Variants in SCNN1B observed in about 807,000 individuals in gnomAD.
SCNN1B encodes the protein sodium channel epithelial 1 subunit beta, also known as epithelial sodium channel subunit beta.
Under a neutral mutation model 65.3 loss-of-function variants are expected in SCNN1B, and 46 were observed. The observed-to-expected ratio is 0.70, with a 90% CI of 0.56 to 0.90. SCNN1B has a LOEUF of 0.90. Among genes scored for constraint, SCNN1B ranks in the 40% least tolerant of loss-of-function variants. The probability of loss-of-function intolerance (pLI) is 0.00; values close to 1 mark genes in which losing one functional copy is unlikely to be tolerated. For synonymous variants in SCNN1B, 349 were observed against 330.6 expected, an observed-to-expected ratio of 1.06 and a Z score of -0.60; for missense variants, 751 against 830.5, an observed-to-expected ratio of 0.90 and a Z score of 1.18.
At chr16:23,282,965 T>G (rs1270316805) in intron 1 of SCNN1B, among the ~76,000 whole-genome samples, 2 of 152,222 alleles carry the variant, frequency 1.3e-5, no homozygotes, top group African/African-American at 4.8e-5. Flanking sequence ...CACTACCAGC[T>G]TGACCTTGAA....
chr16:23,376,664 C>G (rs369917199), intron 8 of SCNN1B, among the ~76,000 whole-genome samples: 2 of 149,562 alleles, frequency 1.3e-5, no homozygotes, highest in African/African-American at 5.0e-5. Context: ...AATCCCAACA[C>G]TTTGGGAGGC....
rs550424284 is a variant in SCNN1B, at chr16:23,380,170, G to A, written c.1542+1G>A. 2.4e-5 allele frequency: 38 copies of A among 1,613,120 alleles called. No individual in the cohort carries two copies. Among genetic ancestry groups the A allele is most frequent in the East Asian group, 1.1e-4 (5 of 44,850 alleles). On this transcript the variant is annotated splice_donor_variant, in intron 12 of 12. Transcript: ENST00000343070. LOFTEE classifies it high-confidence loss of function. The surrounding 1 kb of genome is among the most constrained non-coding windows in gnomAD (Gnocchi z 5.4). ...CATTGAAGAATCAGCAGCCAATAAC[G>A]TGAGTTTAGGAGTCTCCCAATACCC... is the stretch of plus-strand genomic sequence containing the variant.
chr16:23,333,262 G>A (rs1417367721), intron 1 of SCNN1B, among the ~76,000 whole-genome samples: 1 of 152,222 alleles, frequency 6.6e-6, no homozygotes, highest in East Asian at 1.9e-4. Context: ...CCAGGGCCAG[G>A]CAGGCTAGGT....
In SCNN1B at chr16:23,380,025, CGTGT is replaced by C. The variant is rs1429358483; in HGVS notation, c.1467-60_1467-57del. On this transcript the variant is annotated intron_variant, in intron 11 of 12. Coordinates refer to ENST00000343070, the MANE Select transcript of SCNN1B (RefSeq NM_000336.3). This position sits in a 1 kb window ranked among gnomAD's most constrained non-coding sequence, Gnocchi z 5.4. ...GCATGTGTGTGCATGTGTCTATGTG[CGTGT>C]GTGTGTGTCTGTCTGTTTGGAAGGG... 2.7e-5 allele frequency: 30 copies of C among 1,128,640 alleles called. No individual in the cohort carries two copies. Among genetic ancestry groups the C allele is most frequent in the East Asian group, 1.2e-4 (5 of 42,600 alleles). 69.9% of individuals were successfully genotyped at this position (1,128,640 alleles called of 1,614,324 possible).
chr16:23,286,365 C>T (rs1310256657), intron 2 of SCNN1B, among the ~76,000 whole-genome samples: 1 of 152,220 alleles, frequency 6.6e-6, no homozygotes, highest in Admixed American at 6.5e-5. Flanking sequence ...CTGTGATTCA[C>T]AAGCAGCCAA....
At chr16:23,347,960 T>C (rs1357882671) in intron 1 of SCNN1B, among the ~76,000 whole-genome samples, 1 of 152,164 alleles carries the variant, frequency 6.6e-6, no homozygotes, top group African/African-American at 2.4e-5. Context: ...GATCATTATT[T>C]ACCCACTTAT....
intron 1 of SCNN1B, among the ~76,000 whole-genome samples, chr16:23,309,887 T>C (rs1417955323): frequency 6.6e-6 from 1 of 152,230 alleles, no homozygotes; most frequent in African/African-American, 2.4e-5. Context: ...CCTCTGTGCC[T>C]GTGGGCCTTC....
At chr16:23,368,304 C>T (rs985735568) in intron 5 of SCNN1B, among the ~76,000 whole-genome samples, 15 of 151,930 alleles carry the variant, frequency 9.9e-5, no homozygotes, top group African/African-American at 3.4e-4. Flanking sequence ...TTTGGGAGGC[C>T]GAGGCAGGAG....
chr16:23,341,037 TG>T (rs1447711082), intron 1 of SCNN1B, among the ~76,000 whole-genome samples: 2 of 152,210 alleles, frequency 1.3e-5, no homozygotes, highest in Non-Finnish European at 2.9e-5. Flanking sequence ...GCTAGGATTT[TG>T]GTTGAAATTG....
chr16:23,372,362 A>C (rs1962802639), intron 7 of SCNN1B, among the ~76,000 whole-genome samples: 1 of 152,218 alleles, frequency 6.6e-6, no homozygotes, highest in Non-Finnish European at 1.5e-5. Context: ...TAAGTAATTT[A>C]CATGTATATT....
intron 11 of SCNN1B, among the ~76,000 whole-genome samples, chr16:23,379,264 A>G (rs1567320752): frequency 6.7e-6 from 1 of 148,698 alleles, no homozygotes; most frequent in Admixed American, 6.6e-5. Flanking sequence ...GGATCTCTCC[A>G]TCCATTCAAC....
chr16:23,365,575 GA>G (rs1227268038), intron 4 of SCNN1B, among the ~76,000 whole-genome samples: 1 of 85,266 alleles, frequency 1.2e-5, no homozygotes, highest in South Asian at 3.7e-4. Context: ...AAGAAAGAAA[GA>G]AAGAAAGAAA....
intron 1 of SCNN1B, among the ~76,000 whole-genome samples, chr16:23,323,773 C>T (rs1272004858): frequency 6.6e-6 from 1 of 152,182 alleles, no homozygotes; most frequent in Admixed American, 6.5e-5. Flanking sequence ...ACCAGTAGCC[C>T]TTGAAAGTTT....
intron 1 of SCNN1B, among the ~76,000 whole-genome samples, chr16:23,278,777 C>CA (rs1022783134): frequency 1.9e-4 from 29 of 151,492 alleles, no homozygotes; most frequent in African/African-American, 6.1e-4. Context: ...CACATCTCTA[C>CA]AAAAAATAAA....
chr16:23,285,222 G>C (rs1960833091), intron 2 of SCNN1B, among the ~76,000 whole-genome samples: 1 of 152,188 alleles, frequency 6.6e-6, no homozygotes, highest in African/African-American at 2.4e-5. Context: ...ACCCAGGCTG[G>C]AATGCCATGA....
intron 3 of SCNN1B, among the ~76,000 whole-genome samples, chr16:23,353,433 T>G (rs539993633): frequency 6.6e-6 from 1 of 152,324 alleles, no homozygotes; most frequent in East Asian, 1.9e-4. Flanking sequence ...GCGACTTCAC[T>G]CTCAGGCAAG....
chr16:23,335,764 A>G (rs1056869926), intron 1 of SCNN1B, among the ~76,000 whole-genome samples: 36 of 151,488 alleles, frequency 2.4e-4, no homozygotes, highest in East Asian at 1.4e-3. Context: ...TTTTTTTTTA[A>G]CATAAATGCA....
At position 23,380,409 on chromosome 16, in the gene SCNN1B, T is replaced by G; in HGVS notation, c.1543-12T>G. The G allele has an allele frequency of 1.2e-6, 2 of 1,614,064 alleles. No homozygotes were observed. The highest frequency in any genetic ancestry group is 1.7e-6 in the Non-Finnish European group (2 of 1,180,020). On this transcript the variant is annotated splice_polypyrimidine_tract_variant and intron_variant, in intron 12 of 12. Coordinates refer to ENST00000343070, the MANE Select transcript of SCNN1B (RefSeq NM_000336.3). This position sits in a 1 kb window ranked among gnomAD's most constrained non-coding sequence, Gnocchi z 5.4. The stretch of plus-strand genomic sequence containing the variant: ...GTGGCCTGAGCTCACCCCAGCTCCC[T>G]GTTCCCCACAGATCGTCTGGCTGCT...
At chr16:23,279,524 T>C (rs1403936307) in intron 1 of SCNN1B, among the ~76,000 whole-genome samples, 1 of 152,146 alleles carries the variant, frequency 6.6e-6, no homozygotes, top group Non-Finnish European at 1.5e-5. Context: ...CAAGTGAGAT[T>C]GTCAAGGACA....
Sources: allele counts gnomAD v4.1 joint callset (sites outside exome capture counted in the v4.1 genomes callset), GRCh38; gene constraint gnomAD v4.1.1; non-coding constraint Gnocchi (gnomAD v3.1); transcripts MANE v1.5; gene names NCBI Gene and HGNC (gene_info 2026-07-23, HGNC 2026-07-21).